The following TMEM232 variants were observed in gnomAD, a reference collection of about 807,000 sequenced individuals.
The protein encoded by TMEM232 is transmembrane protein 232.
A neutral mutation model predicts 78.8 loss-of-function variants in TMEM232; 80 were observed. The observed-to-expected ratio is 1.01, with a 90% CI of 0.85 to 1.22. The LOEUF is 1.22. Among genes scored for constraint, TMEM232 ranks in the 50% most tolerant of loss-of-function variants. TMEM232 has a pLI of 0.00. For synonymous variants in TMEM232, 297 were observed against 254.3 expected (o/e 1.17, Z -1.60); for missense variants, 881 against 742.2 (o/e 1.19, Z -2.17).
intron 3 of TMEM232, 110 bp downstream of exon 3, chr5:110,642,150 A>C (rs971164431): frequency 4.8e-5 from 30 of 619,852 alleles, no homozygotes; most frequent in Non-Finnish European, 7.2e-5. Context: ...CCTACTTATA[A>C]TTAAAGAAAG....
intron 5 of TMEM232, among the ~76,000 whole-genome samples, chr5:110,636,558 GA>G (rs1183579724): frequency 3.3e-5 from 5 of 151,848 alleles, no homozygotes; most frequent in East Asian, 1.9e-4. Context: ...ATCAATAGAA[GA>G]AAAAATAAGG....
chr5:110,531,649 C>A lies in TMEM232; in HGVS notation c.1456-2814G>T, dbSNP rs111553482. ...TATTCGTCTCCTTTTAGCCCTCCCC[C>A]ACCTGCCCAGCAATTTACTCTTAAA... On this transcript the variant is annotated intron_variant, in intron 11 of 13. Transcript: ENST00000455884. Among the ~76,000 whole-genome samples, 19 of 152,290 alleles carry A rather than the reference C, an allele frequency of 1.2e-4. No individual in the cohort carries two copies. The South Asian group carries it at 1.7e-3, about 13-fold the overall frequency.
intron 1 of TMEM232, among the ~76,000 whole-genome samples, chr5:110,717,057 A>G (rs1226578532): frequency 2.6e-5 from 4 of 152,168 alleles, no homozygotes; most frequent in Non-Finnish European, 5.9e-5. Context: ...TACCAGGGAC[A>G]TGAGGTCATT....
intron 7 of TMEM232, among the ~76,000 whole-genome samples, chr5:110,624,573 T>A (rs1784179438): frequency 1.3e-5 from 2 of 152,132 alleles, no homozygotes; most frequent in South Asian, 4.1e-4. Context: ...ACAGATCCCT[T>A]TCTCACATGA....
At chr5:110,662,512 G>A (rs915451244) in intron 2 of TMEM232, among the ~76,000 whole-genome samples, 2 of 152,084 alleles carry the variant, frequency 1.3e-5, no homozygotes, top group South Asian at 4.2e-4. Context: ...TGACAAGCTG[G>A]TTTCAAAATT....
chr5:110,601,301 G>C (rs909706178), intron 10 of TMEM232, among the ~76,000 whole-genome samples: 3 of 152,078 alleles, frequency 2.0e-5, no homozygotes, highest in African/African-American at 4.8e-5. Context: ...GTTCTGGCCA[G>C]GGAAATCAGG....
intron 12 of TMEM232, among the ~76,000 whole-genome samples, chr5:110,450,830 A>G (rs1760193952): frequency 6.6e-6 from 1 of 152,158 alleles, no homozygotes; most frequent in Non-Finnish European, 1.5e-5. Context: ...TAGTTCTACT[A>G]GTTCTCATCA....
At chr5:110,426,007 G>C (rs1022958067) in intron 12 of TMEM232, among the ~76,000 whole-genome samples, 3 of 151,992 alleles carry the variant, frequency 2.0e-5, no homozygotes, top group African/African-American at 7.2e-5. Context: ...TCCTTTGCTT[G>C]CTTGGGTCTA....
At chr5:110,472,739 G>A (rs989814040) in intron 12 of TMEM232, among the ~76,000 whole-genome samples, 2 of 151,770 alleles carry the variant, frequency 1.3e-5, no homozygotes, top group African/African-American at 4.8e-5. Context: ...TAGACCAATG[G>A]GACAGTATAG....
intron 1 of TMEM232, among the ~76,000 whole-genome samples, chr5:110,677,810 A>T (rs1044201807): frequency 1.3e-5 from 2 of 152,104 alleles, no homozygotes; most frequent in Admixed American, 1.3e-4. Flanking sequence ...TTTGAAAAAA[A>T]TTTCTTCTTT....
intron 1 of TMEM232, among the ~76,000 whole-genome samples, chr5:110,722,464 G>T (rs903147255): frequency 6.6e-6 from 1 of 152,032 alleles, no homozygotes; most frequent in Admixed American, 6.5e-5. Context: ...CCACTTCCAG[G>T]GTGGTTTGTT....
rs556761728 is a variant in TMEM232, at chr5:110,401,102, A to G, written n.309-3248T>C. On this transcript the variant is annotated intron_variant and non_coding_transcript_variant, in intron 2 of 8. Coordinates refer to the TMEM232 transcript ENST00000507188. ...TGTTGGGTGTAAATGAGGCTGATGT[A>G]TTTTGGAAACTACCTGTCCAAAGCC... Among the ~76,000 whole-genome samples the G allele has an allele frequency of 7.9e-5, 12 of 152,106 alleles. No homozygotes were observed. In the South Asian group the frequency reaches 2.5e-3, roughly 32 times the overall value.
intron 11 of TMEM232, among the ~76,000 whole-genome samples, chr5:110,530,656 A>C (rs1333842782): frequency 1.3e-5 from 2 of 152,240 alleles, no homozygotes; most frequent in Non-Finnish European, 1.5e-5. Context: ...GATCTCACTT[A>C]CATGTAAAAT....
At chr5:110,490,273 A>G (rs1314720870) in intron 12 of TMEM232, among the ~76,000 whole-genome samples, 1 of 152,210 alleles carries the variant, frequency 6.6e-6, no homozygotes, top group Non-Finnish European at 1.5e-5. Context: ...TCAATTTGCC[A>G]TAGTATCAAA....
At chr5:110,592,545 A>G (rs1779653055) in intron 10 of TMEM232, among the ~76,000 whole-genome samples, 1 of 152,188 alleles carries the variant, frequency 6.6e-6, no homozygotes, top group Non-Finnish European at 1.5e-5. Flanking sequence ...ATTCAACATT[A>G]CAACATCTAT....
At chr5:110,626,434 T>G (rs1260144521) in intron 6 of TMEM232, among the ~76,000 whole-genome samples, 1 of 152,064 alleles carries the variant, frequency 6.6e-6, no homozygotes, top group East Asian at 1.9e-4. Flanking sequence ...CTTATGCTAA[T>G]GGTACTAATT....
chr5:110,723,776 A>G (rs760361256), intron 1 of TMEM232, among the ~76,000 whole-genome samples: 14 of 152,190 alleles, frequency 9.2e-5, no homozygotes, highest in East Asian at 1.9e-4. Context: ...CTTTGCAACT[A>G]TGAGTTCTAG....
chr5:110,735,840 C>T (rs2150390854), intron 1 of TMEM232, among the ~76,000 whole-genome samples: 1 of 152,262 alleles, frequency 6.6e-6, no homozygotes, highest in Middle Eastern at 3.4e-3. Flanking sequence ...GACATTCTTT[C>T]TATAGCTGTC....
chr5:110,498,423 G>A (rs1025688562), intron 12 of TMEM232, among the ~76,000 whole-genome samples: 1 of 152,068 alleles, frequency 6.6e-6, no homozygotes, highest in Non-Finnish European at 1.5e-5. Context: ...TTTCACATGG[G>A]AGCCTTAACA....
Sources: gnomAD v4.1 joint callset for allele counts (sites outside exome capture counted in the v4.1 genomes callset) on GRCh38, gnomAD v4.1.1 for gene constraint, MANE v1.5 for transcripts, NCBI Gene and HGNC (gene_info 2026-07-23, HGNC 2026-07-21) for gene names.